Variants in CD74 observed in about 807,000 individuals in gnomAD.
CD74 encodes CD74 molecule.
Under a neutral mutation model 37.1 loss-of-function variants are expected in CD74, and 20 were observed. The ratio of observed to expected loss-of-function variants is 0.54; its 90% CI spans 0.38 to 0.78. The LOEUF is 0.78. Among genes scored for constraint, CD74 ranks in the 30% least tolerant of loss-of-function variants. CD74 has a pLI of 0.00. For missense variants in CD74, 338 were observed against 389.5 expected (o/e 0.87, Z 1.11); for synonymous variants, 150 against 152.0 (o/e 0.99, Z 0.10).
chr5:150,403,213 T>C lies in CD74; in HGVS notation c.725A>G (p.Gln242Arg). 6.2e-7 allele frequency: 1 copy of C among 1,614,040 alleles called. No individual in the cohort carries two copies. Among genetic ancestry groups the C allele is most frequent in the Non-Finnish European group, 8.5e-7 (1 of 1,179,884 alleles). The change falls in exon 7 of 9, where the codon CAG (glutamine) becomes CGG (arginine). Residue 242 changes from glutamine (Q) to arginine (R), a missense_variant. Coordinates refer to ENST00000009530, the MANE Select transcript of CD74 (RefSeq NM_001025159.3). The surrounding 1 kb of genome is among the most constrained non-coding windows in gnomAD (Gnocchi z 4.5). ...CDENGNYLPL[Q>R]CYGSIGYCWC... ...GCAGTAGCCGATGCTCCCATAGCAC[T>C]GGAGTGGCAGATAGTTGCCGTTCTC...
intron 3 of CD74, 97 bp from the exon 4 acceptor site, chr5:150,406,418 A>G: frequency 1.1e-6 from 1 of 922,232 alleles, no homozygotes; most frequent in South Asian, 1.3e-5. Flanking sequence ...AGAGACTGGA[A>G]TCGCAGGCAC....
intron 4 of CD74, chr5:150,405,906 C>T (rs542799317): frequency 4.7e-6 from 1 of 210,688 alleles, no homozygotes; most frequent in African/African-American, 2.2e-5. Context: ...TCATGAGTAG[C>T]TGGGATTACA....
intron 1 of CD74, among the ~76,000 whole-genome samples, chr5:150,410,188 A>G (rs1770258528): frequency 6.6e-6 from 1 of 152,020 alleles, no homozygotes; most frequent in African/African-American, 2.4e-5. Flanking sequence ...CTCATCCTCC[A>G]CCTGTTCAGT....
Position 150,405,369 on chromosome 5 carries a change from C to G in CD74, c.442-189G>C. ...TACGGGTAAGGGTAGTCCAGCTGTT[C>G]AGCTACGAGACTGCAGCGTTGCGAG... On this transcript the variant is annotated intron_variant, in intron 4 of 8. Coordinates refer to ENST00000009530, the MANE Select transcript of CD74 (RefSeq NM_001025159.3). The G allele has an allele frequency of 4.6e-6, 6 of 1,291,512 alleles. No individual in the cohort carries two copies. The South Asian group carries it at 1.3e-4, about 28-fold the overall frequency. The allele number at this position is 1,291,512 out of a possible 1,614,324, so 80.0% of individuals were successfully genotyped here. A position where few individuals can be genotyped will look rare whatever the true frequency, so the allele number is the denominator to read the frequency against.
intron 1 of CD74, among the ~76,000 whole-genome samples, chr5:150,408,057 T>G (rs1005318926): frequency 6.6e-6 from 1 of 152,078 alleles, no homozygotes; most frequent in Non-Finnish European, 1.5e-5. Context: ...GTTTTGTTTT[T>G]TTTTTCTGCT....
rs2151170079 is a variant in CD74 at position 150,403,249 on chromosome 5, G to A, written c.689C>T (p.Pro230Leu). The change falls in exon 7 of 9, where the codon CCC (proline) becomes CTC (leucine). Residue 230 changes from proline to leucine, a missense_variant. By Grantham distance (98) the Pro-to-Leu change is moderately conservative. Coordinates refer to ENST00000009530, the MANE Select transcript of CD74 (RefSeq NM_001025159.3). This position sits in a 1 kb window ranked among gnomAD's most constrained non-coding sequence, Gnocchi z 4.5. ...ATAGTTGCCGTTCTCGTCGCACTTGGGCCTGAATGAACCCGGGTGGACAGC... is the reference window on the plus strand; with the variant it reads ...ATAGTTGCCGTTCTCGTCGCACTTGAGCCTGAATGAACCCGGGTGGACAGC... ...IPAVHPGSFR[P>L]KCDENGNYLP... The A allele has an allele frequency of 6.2e-7, 1 of 1,613,992 alleles. No individual in the cohort carries two copies. The highest frequency in any genetic ancestry group is 8.5e-7 in the Non-Finnish European group (1 of 1,179,888).
chr5:150,407,140 G>C lies in CD74; in HGVS notation c.298+12C>G. The C allele has an allele frequency of 6.2e-7, 1 of 1,612,024 alleles. No individual in the cohort carries two copies. The highest frequency in any genetic ancestry group is 1.1e-5 in the South Asian group (1 of 90,900). On this transcript the variant is annotated intron_variant, in intron 2 of 8. Transcript: ENST00000009530. The surrounding 1 kb of genome is among the most constrained non-coding windows in gnomAD (Gnocchi z 4.4). Reference sequence around the variant, plus strand: ...GGAGGTGGGGGGTATCAGGATGTAGGGGTGCACGCACGCTTGGGAAGCTTC... The same window carrying C: ...GGAGGTGGGGGGTATCAGGATGTAGCGGTGCACGCACGCTTGGGAAGCTTC...
Position 150,407,953 on chromosome 5 carries a change from C to G in CD74, c.126-629G>C, listed in dbSNP as rs1456689272. On this transcript the variant is annotated intron_variant, in intron 1 of 8. Transcript: ENST00000009530. The surrounding 1 kb of genome is among the most constrained non-coding windows in gnomAD (Gnocchi z 4.4). ...TGTATTTTTGATAGAGACGGGGTTT[C>G]ACCGTGGTCTCGATCTCCTGATCTC... Among the ~76,000 whole-genome samples, 2 of 152,070 alleles carry G rather than the reference C, an allele frequency of 1.3e-5. No individual in the cohort carries two copies. Among genetic ancestry groups the G allele is most frequent in the Admixed American group, 6.5e-5 (1 of 15,268 alleles).
In CD74 at chr5:150,403,120, C is replaced by T. The variant is rs2151169538; in HGVS notation, c.817+1G>A. On this transcript the variant is annotated splice_donor_variant, in intron 7 of 8. Transcript: ENST00000009530. LOFTEE classifies it high-confidence loss of function. The surrounding 1 kb of genome is among the most constrained non-coding windows in gnomAD (Gnocchi z 4.5). The stretch of plus-strand genomic sequence containing the variant: ...GACACTGGCACAGTGCCACTGCTTA[C>T]CACTGCAGTTATGGTGCCCGCGGCT... The T allele has an allele frequency of 6.2e-7, 1 of 1,611,890 alleles. No individual in the cohort carries two copies. The highest frequency in any genetic ancestry group is 1.1e-5 in the South Asian group (1 of 90,972).
rs925407391 is a variant in CD74, at chr5:150,403,334, G to A, written c.626-22C>T. On this transcript the variant is annotated intron_variant, in intron 6 of 8. Transcript: ENST00000009530. The surrounding 1 kb of genome is among the most constrained non-coding windows in gnomAD (Gnocchi z 4.5). ...AGTACTGAAGCGACAGGCATGATGA[G>A]GACACAGTGAGTGAGTGAGCTCTGA... 2 of 1,609,134 alleles carry A rather than the reference G, an allele frequency of 1.2e-6. No homozygotes were observed. Among genetic ancestry groups the A allele is most frequent in the Non-Finnish European group, 8.5e-7 (1 of 1,175,512 alleles).
intron 6 of CD74, 36 bp downstream of exon 6, chr5:150,404,644 G>C (rs2151176731): frequency 7.1e-7 from 1 of 1,414,424 alleles, no homozygotes; most frequent in Non-Finnish European, 9.8e-7. Context: ...CGAGGGTCCA[G>C]AAGCCCTGGC....
Position 150,403,238 on chromosome 5 carries a change from C to T in CD74, c.700G>A (p.Glu234Lys), listed in dbSNP as rs201296907. Reference protein sequence around the residue: ...HPGSFRPKCDENGNYLPLQCY... With the variant: ...HPGSFRPKCDKNGNYLPLQCY... ...TGGAGTGGCAGATAGTTGCCGTTCTCGTCGCACTTGGGCCTGAATGAACCC... is the reference window on the plus strand; with the variant it reads ...TGGAGTGGCAGATAGTTGCCGTTCTTGTCGCACTTGGGCCTGAATGAACCC... The change falls in exon 7 of 9, where the codon GAG becomes AAG. Residue 234 changes from glutamate (E) to lysine (K), a missense_variant. Transcript: ENST00000009530. The surrounding 1 kb of genome is among the most constrained non-coding windows in gnomAD (Gnocchi z 4.5). 839 of 1,614,012 alleles carry T rather than the reference C, an allele frequency of 5.2e-4. 3 individuals carry two copies. The African/African-American group carries it at 8.5e-3, about 16-fold the overall frequency.
At chr5:150,404,972 C>G (rs769518474) in intron 5 of CD74, 113 bp downstream of exon 5, 2 of 1,067,736 alleles carry the variant, frequency 1.9e-6, no homozygotes, top group Non-Finnish European at 2.8e-6. Context: ...TGCTGGTAAA[C>G]CCCTTCAGCT....
At chr5:150,410,548 C>T (rs973094783) in intron 1 of CD74, among the ~76,000 whole-genome samples, 8 of 152,088 alleles carry the variant, frequency 5.3e-5, no homozygotes, top group Non-Finnish European at 1.0e-4. Context: ...CAGGGGAGTT[C>T]GTAGTTAAGT....
At position 150,402,399 on chromosome 5, in the gene CD74, TA is replaced by T. The variant is rs767299842; in HGVS notation, c.881-150del. On this transcript the variant is annotated intron_variant, in intron 8 of 8. Transcript: ENST00000009530. The surrounding 1 kb of genome is among the most constrained non-coding windows in gnomAD (Gnocchi z 4.2). Reference sequence around the variant, plus strand: ...CAATAATGACCATCATGGATTTGTGTAACTCCCCACAGCCCCCCAACCCTGT... The same window carrying T: ...CAATAATGACCATCATGGATTTGTGTACTCCCCACAGCCCCCCAACCCTGT... 109 of 890,468 alleles carry T rather than the reference TA, an allele frequency of 1.2e-4. No individual in the cohort carries two copies. The highest frequency in any genetic ancestry group is 1.9e-4 in the Non-Finnish European group (99 of 535,100). 55.2% of individuals were successfully genotyped at this position (890,468 alleles called of 1,614,324 possible).
chr5:150,408,492 A>T (rs773117600), intron 1 of CD74, among the ~76,000 whole-genome samples: 6 of 152,178 alleles, frequency 3.9e-5, no homozygotes, highest in Non-Finnish European at 8.8e-5. Context: ...TCTCACTGCA[A>T]GCGCCAAAGT....
chr5:150,410,492 G>C (rs533007620), intron 1 of CD74, among the ~76,000 whole-genome samples: 1 of 152,182 alleles, frequency 6.6e-6, no homozygotes, highest in Non-Finnish European at 1.5e-5. Flanking sequence ...TCCACACCTA[G>C]CACATTGTTA....
chr5:150,406,829 C>T (rs751266362), intron 3 of CD74, 52 bp downstream of exon 3: 10 of 1,246,058 alleles, frequency 8.0e-6, no homozygotes, highest in Non-Finnish European at 1.1e-5. Flanking sequence ...GCACTGTCCT[C>T]CATCCAGGCG....
chr5:150,401,991 C>A lies in CD74; in HGVS notation c.*249G>T. 6.8e-7 allele frequency: 1 copy of A among 1,460,108 alleles called. No individual in the cohort carries two copies. Among genetic ancestry groups the A allele is most frequent in the South Asian group, 1.2e-5 (1 of 82,526 alleles). 90.4% of individuals were successfully genotyped at this position (1,460,108 alleles called of 1,614,324 possible). ...ATGTCAGGAACGGGGATCTGTCTAG[C>A]TTTTGGCCACTTCCTGGGACCTCAC... On this transcript the variant is annotated 3_prime_UTR_variant, in exon 9 of 9. Transcript: ENST00000009530.
Sources: gnomAD v4.1 joint callset for allele counts (sites outside exome capture counted in the v4.1 genomes callset) on GRCh38, gnomAD v4.1.1 for gene constraint, Gnocchi (gnomAD v3.1) non-coding constraint, MANE v1.5 for transcripts, NCBI Gene and HGNC (gene_info 2026-07-23, HGNC 2026-07-21) for gene names.